Variants in CNOT4 observed in about 807,000 individuals in gnomAD.
CNOT4 encodes CCR4-associated factor 4.
Under a neutral mutation model 73.8 loss-of-function variants are expected in CNOT4, and 8 were observed. The observed-to-expected ratio is 0.11, with a 90% CI of 0.06 to 0.20. The LOEUF is 0.20. Ranked by LOEUF, CNOT4 falls within the 10% of genes least tolerant of loss-of-function variation. The probability of loss-of-function intolerance (pLI) is 1.00; values close to 1 mark genes in which losing one functional copy is unlikely to be tolerated. For synonymous variants in CNOT4, 293 were observed against 321.1 expected, an observed-to-expected ratio of 0.91 and a Z score of 0.94; for missense variants, 564 against 883.4, an observed-to-expected ratio of 0.64 and a Z score of 4.58.
At chr7:135,506,679 C>T (rs1358605860) in intron 1 of CNOT4, among the ~76,000 whole-genome samples, 1 of 152,000 alleles carries the variant, frequency 6.6e-6, no homozygotes, top group African/African-American at 2.4e-5. Context: ...GAAACCCCGT[C>T]TCCACTAAAA....
intron 1 of CNOT4, among the ~76,000 whole-genome samples, chr7:135,479,760 G>A (rs1802242333): frequency 6.6e-6 from 1 of 151,722 alleles, no homozygotes; most frequent in African/African-American, 2.4e-5. Context: ...AGTCGGGCGT[G>A]GTACCTGTGG....
intron 1 of CNOT4, among the ~76,000 whole-genome samples, chr7:135,455,392 A>G (rs887227150): frequency 2.0e-5 from 3 of 152,216 alleles, no homozygotes; most frequent in Admixed American, 2.0e-4. Context: ...GTCAATACAT[A>G]TATGGGTGCT....
chr7:135,406,238 G>A (rs1464060266), intron 7 of CNOT4, among the ~76,000 whole-genome samples: 2 of 151,834 alleles, frequency 1.3e-5, no homozygotes, highest in East Asian at 3.9e-4. Context: ...TCTGTAACTT[G>A]GGCCATTAAT....
In CNOT4 at chr7:135,448,421, G is replaced by A. The variant is rs186352915; in HGVS notation, c.-92-9998C>T. On this transcript the variant is annotated intron_variant, in intron 1 of 11. Transcript: ENST00000541284. ...TAGCCAGGCGTGGTGGCGGGCACCT[G>A]TAATCCCAGCTACTAGGGAGGCTGA... Among the ~76,000 whole-genome samples the A allele has an allele frequency of 4.1e-3, 621 of 152,020 alleles. 3 individuals are homozygous for A. Among genetic ancestry groups the A allele is most frequent in the Non-Finnish European group, 6.3e-3 (430 of 67,982 alleles).
At chr7:135,437,213 G>A (rs549171409) in intron 2 of CNOT4, among the ~76,000 whole-genome samples, 134 of 150,042 alleles carry the variant, frequency 8.9e-4, no homozygotes, top group African/African-American at 3.1e-3. Context: ...TTTTTGAGAC[G>A]GAGTCTCGCT....
At chr7:135,422,723 G>A (rs1798259837) in intron 2 of CNOT4, among the ~76,000 whole-genome samples, 2 of 151,982 alleles carry the variant, frequency 1.3e-5, no homozygotes, top group Admixed American at 1.3e-4. Context: ...CTAAATGTGG[G>A]TTTTACACAT....
chr7:135,408,597 A>T (rs1465449614), intron 7 of CNOT4, among the ~76,000 whole-genome samples: 1 of 152,170 alleles, frequency 6.6e-6, no homozygotes, highest in Non-Finnish European at 1.5e-5. Flanking sequence ...AGCAAATCAG[A>T]GGGCAAGGCA....
chr7:135,480,248 C>T (rs1056278764), intron 1 of CNOT4, among the ~76,000 whole-genome samples: 1 of 152,224 alleles, frequency 6.6e-6, no homozygotes, highest in Admixed American at 6.5e-5. Context: ...CACTGGTCCA[C>T]TAAGTTTTCA....
intron 1 of CNOT4, among the ~76,000 whole-genome samples, chr7:135,477,893 C>T (rs899719286): frequency 2.0e-5 from 3 of 151,902 alleles, no homozygotes; most frequent in African/African-American, 7.3e-5. Flanking sequence ...ATATTTTATG[C>T]CAATATATAT....
At chr7:135,428,749 G>A (rs920825307) in intron 2 of CNOT4, among the ~76,000 whole-genome samples, 7 of 152,220 alleles carry the variant, frequency 4.6e-5, no homozygotes, top group Admixed American at 1.3e-4. Context: ...CAGAGTCACA[G>A]AGGAGAAGAA....
chr7:135,480,058 T>C (rs1003398674), intron 1 of CNOT4, among the ~76,000 whole-genome samples: 2 of 152,226 alleles, frequency 1.3e-5, no homozygotes, highest in Admixed American at 6.5e-5. Context: ...ATAAGATAAC[T>C]TGCAAAAAAT....
chr7:135,437,441 A>G (rs376838622), intron 2 of CNOT4, among the ~76,000 whole-genome samples: 2 of 152,230 alleles, frequency 1.3e-5, no homozygotes, highest in African/African-American at 4.8e-5. Flanking sequence ...CGCCTGCCTC[A>G]GCCTCCCAAA....
At chr7:135,413,148 T>C (rs78866698) in intron 6 of CNOT4, among the ~76,000 whole-genome samples, 215 of 152,126 alleles carry the variant, frequency 1.4e-3, no homozygotes, top group Non-Finnish European at 2.1e-3. Context: ...TAAAATAGCA[T>C]TTCCCAAAGT....
chr7:135,383,618 A>G (rs1008109434), intron 10 of CNOT4, among the ~76,000 whole-genome samples: 2 of 152,202 alleles, frequency 1.3e-5, no homozygotes, highest in Non-Finnish European at 2.9e-5. Flanking sequence ...TCATGAAAAG[A>G]CTGGAGGAGA....
At chr7:135,477,819 C>A (rs1379019009) in intron 1 of CNOT4, among the ~76,000 whole-genome samples, 3 of 152,084 alleles carry the variant, frequency 2.0e-5, no homozygotes, top group Non-Finnish European at 4.4e-5. Flanking sequence ...ACAATAAATT[C>A]ATGGAAATTA....
At chr7:135,508,158 T>C (rs1034486021) in intron 1 of CNOT4, among the ~76,000 whole-genome samples, 1 of 152,220 alleles carries the variant, frequency 6.6e-6, no homozygotes, top group Non-Finnish European at 1.5e-5. Context: ...TTTACATATA[T>C]CTTAAGAATA....
chr7:135,499,723 C>A (rs1347243067), intron 1 of CNOT4, among the ~76,000 whole-genome samples: 1 of 152,098 alleles, frequency 6.6e-6, no homozygotes, highest in Admixed American at 6.6e-5. Context: ...TAAGGTTCTC[C>A]TGTATACCCT....
At chr7:135,479,226 T>C (rs1400276558) in intron 1 of CNOT4, among the ~76,000 whole-genome samples, 1 of 140,668 alleles carries the variant, frequency 7.1e-6, no homozygotes, top group Non-Finnish European at 1.5e-5. Context: ...TTTTTTTTTT[T>C]TGAGATGGAG....
At chr7:135,476,642 C>T (rs945550970) in intron 1 of CNOT4, among the ~76,000 whole-genome samples, 1 of 152,170 alleles carries the variant, frequency 6.6e-6, no homozygotes, top group Non-Finnish European at 1.5e-5. Context: ...TGCCACTGCA[C>T]TCCAGCCTGA....
Sources: gnomAD v4.1 joint callset for allele counts (sites outside exome capture counted in the v4.1 genomes callset) on GRCh38, gnomAD v4.1.1 for gene constraint, MANE v1.5 for transcripts, NCBI Gene and HGNC (gene_info 2026-07-23, HGNC 2026-07-21) for gene names.